MACROD2: variants seen among roughly 807,000 people sequenced by gnomAD.
The protein encoded by MACROD2 is ADP-ribose glycohydrolase MACROD2.
MACROD2 carries 36 observed loss-of-function variants against 70.4 expected under a neutral mutation model. That is an observed-to-expected ratio of 0.51 (90% confidence interval 0.39 to 0.68). MACROD2 has a LOEUF of 0.68. Among genes scored for constraint, MACROD2 ranks in the 30% least tolerant of loss-of-function variants. MACROD2 has a pLI of 0.00. For synonymous variants in MACROD2, 172 were observed against 178.8 expected (o/e 0.96, Z 0.30); for missense variants, 496 against 538.4 (o/e 0.92, Z 0.78).
chr20:15,501,638 G>T (rs1285956523), intron 8 of MACROD2, among the ~76,000 whole-genome samples: 2 of 151,998 alleles, frequency 1.3e-5, no homozygotes, highest in Non-Finnish European at 2.9e-5. Context: ...AGAAAATATA[G>T]ATAATTTGGA....
intron 15 of MACROD2, among the ~76,000 whole-genome samples, chr20:16,002,068 A>G (rs1238247696): frequency 1.3e-5 from 2 of 151,882 alleles, no homozygotes; most frequent in East Asian, 1.9e-4. Flanking sequence ...ACATGTGTGT[A>G]TATACATAAA....
At chr20:15,473,672 T>C (rs1160190147) in intron 7 of MACROD2, among the ~76,000 whole-genome samples, 2 of 152,194 alleles carry the variant, frequency 1.3e-5, no homozygotes, top group Non-Finnish European at 2.9e-5. Flanking sequence ...TAAAAAATAA[T>C]AGCTATTGGT....
At chr20:14,048,610 A>G (rs1330899869) in intron 2 of MACROD2, among the ~76,000 whole-genome samples, 1 of 152,170 alleles carries the variant, frequency 6.6e-6, no homozygotes, top group African/African-American at 2.4e-5. Context: ...GGCAAAATAT[A>G]TTCTTTCCGA....
At chr20:14,342,568 T>G (rs192691202) in intron 3 of MACROD2, among the ~76,000 whole-genome samples, 45 of 152,302 alleles carry the variant, frequency 3.0e-4, no homozygotes, top group Middle Eastern at 6.8e-3. Flanking sequence ...TCAGGCCAGA[T>G]GCTTAATGTA....
intron 12 of MACROD2, among the ~76,000 whole-genome samples, chr20:15,944,052 A>G (rs1176797585): frequency 1.3e-5 from 2 of 152,060 alleles, no homozygotes; most frequent in Non-Finnish European, 2.9e-5. Flanking sequence ...TTATCCCACA[A>G]TTTACATAGC....
intron 3 of MACROD2, among the ~76,000 whole-genome samples, chr20:14,304,772 GTTTT>G (rs11475241): frequency 7.0e-6 from 1 of 143,716 alleles, no homozygotes; most frequent in Non-Finnish European, 1.5e-5. Flanking sequence ...TCTTTTTTAT[GTTTT>G]TTTTTTTTTG....
intron 10 of MACROD2, among the ~76,000 whole-genome samples, chr20:15,896,560 A>T (rs907987973): frequency 2.0e-5 from 3 of 151,622 alleles, no homozygotes; most frequent in Admixed American, 2.0e-4. Context: ...TCTAGAAAAA[A>T]CACAGCTTCT....
At chr20:15,155,767 A>G (rs755813858) in intron 5 of MACROD2, among the ~76,000 whole-genome samples, 4 of 152,152 alleles carry the variant, frequency 2.6e-5, no homozygotes, top group Non-Finnish European at 4.4e-5. Context: ...CAAATAAATG[A>G]CAAAAAAGAG....
intron 4 of MACROD2, among the ~76,000 whole-genome samples, chr20:14,638,512 C>G (rs1984908807): frequency 6.6e-6 from 1 of 152,156 alleles, no homozygotes; most frequent in African/African-American, 2.4e-5. Flanking sequence ...AGCATGGACT[C>G]AGAAGATGGG....
chr20:15,481,268 A>T (rs773123861), intron 7 of MACROD2, among the ~76,000 whole-genome samples: 1 of 152,170 alleles, frequency 6.6e-6, no homozygotes, highest in Non-Finnish European at 1.5e-5. Flanking sequence ...CAGAGATAGG[A>T]TCTTTGTCTA....
chr20:15,601,296 T>C (rs1047838474), intron 8 of MACROD2, among the ~76,000 whole-genome samples: 25 of 152,160 alleles, frequency 1.6e-4, no homozygotes, highest in African/African-American at 5.6e-4. Flanking sequence ...GGATGTTTCT[T>C]GTAAAGCCTG....
At chr20:15,136,063 G>A (rs1288017096) in intron 5 of MACROD2, among the ~76,000 whole-genome samples, 1 of 148,862 alleles carries the variant, frequency 6.7e-6, no homozygotes, top group Admixed American at 6.7e-5. Context: ...AATAAAAGAG[G>A]ATACAAACAA....
At chr20:15,892,910 A>C (rs1000159484) in intron 10 of MACROD2, 1 of 398,724 alleles carries the variant, frequency 2.5e-6, no homozygotes, top group Non-Finnish European at 4.4e-6. Flanking sequence ...GAGAATATTA[A>C]ATCTTCGTGA....
At chr20:15,045,739 T>G (rs1223488203) in intron 5 of MACROD2, among the ~76,000 whole-genome samples, 4 of 147,750 alleles carry the variant, frequency 2.7e-5, no homozygotes, top group South Asian at 2.2e-4. Context: ...TTTTTTTTTT[T>G]TTTTTCCCTT....
At chr20:14,455,824 C>T (rs1190565531) in intron 3 of MACROD2, among the ~76,000 whole-genome samples, 5 of 151,632 alleles carry the variant, frequency 3.3e-5, no homozygotes, top group African/African-American at 4.9e-5. Context: ...CCCATGAACT[C>T]ATGAATTCAA....
At chr20:14,944,671 G>T (rs1273903025) in intron 5 of MACROD2, among the ~76,000 whole-genome samples, 1 of 152,180 alleles carries the variant, frequency 6.6e-6, no homozygotes, top group Non-Finnish European at 1.5e-5. Flanking sequence ...GGAGTCTGTT[G>T]CAGCTGAATG....
At chr20:16,000,169 C>A (rs2066690282) in intron 15 of MACROD2, among the ~76,000 whole-genome samples, 1 of 152,046 alleles carries the variant, frequency 6.6e-6, no homozygotes, top group African/African-American at 2.4e-5. Flanking sequence ...ACTGCTGAGC[C>A]CCAGTCTATT....
chr20:14,417,010 C>CCACA (rs2083812933), intron 3 of MACROD2, among the ~76,000 whole-genome samples: 1 of 152,138 alleles, frequency 6.6e-6, no homozygotes, highest in African/African-American at 2.4e-5. Context: ...CACACAGACA[C>CCACA]CACACACACA....
At chr20:15,001,861 C>G (rs1600932198) in intron 5 of MACROD2, among the ~76,000 whole-genome samples, 1 of 151,972 alleles carries the variant, frequency 6.6e-6, no homozygotes, top group Non-Finnish European at 1.5e-5. Flanking sequence ...CCCTCACTCC[C>G]TCTCATCCTT....
Sources: gnomAD v4.1 joint callset for allele counts (sites outside exome capture counted in the v4.1 genomes callset) on GRCh38, gnomAD v4.1.1 for gene constraint, MANE v1.5 for transcripts, NCBI Gene and HGNC (gene_info 2026-07-23, HGNC 2026-07-21) for gene names.